Variants in GUCY1A2 observed in about 807,000 individuals in gnomAD.
The protein encoded by GUCY1A2 is guanylate cyclase 1 soluble subunit alpha 2, also known as guanylate cyclase soluble subunit alpha-2.
A neutral mutation model predicts 63.5 loss-of-function variants in GUCY1A2; 27 were observed. The ratio of observed to expected loss-of-function variants is 0.43; its 90% confidence interval spans 0.31 to 0.59. The LOEUF (loss-of-function observed/expected upper bound fraction) is 0.59, where lower values mean the gene tolerates loss of function less well. Among genes scored for constraint, GUCY1A2 ranks in the 20% least tolerant of loss-of-function variants. The probability of loss-of-function intolerance (pLI) is 0.11; values close to 1 mark genes in which losing one functional copy is unlikely to be tolerated. For missense variants in GUCY1A2, 768 were observed against 913.3 expected (o/e 0.84, Z 2.05); for synonymous variants, 364 against 343.5 (o/e 1.06, Z -0.66).
chr11:106,949,326 T>A (rs991916084), intron 3 of GUCY1A2, among the ~76,000 whole-genome samples: 1 of 152,098 alleles, frequency 6.6e-6, no homozygotes, highest in African/African-American at 2.4e-5. Flanking sequence ...CCTCTCTCAG[T>A]CCCCCATTTC....
At chr11:106,852,932 G>A (rs1020124055) in intron 4 of GUCY1A2, among the ~76,000 whole-genome samples, 7 of 152,060 alleles carry the variant, frequency 4.6e-5, no homozygotes, top group Admixed American at 6.6e-5. Flanking sequence ...GTTTTGGCTG[G>A]CAGTATTTTC....
chr11:106,758,776 C>T lies in GUCY1A2; in HGVS notation c.1836+17663G>A, dbSNP rs143708960. Among the ~76,000 whole-genome samples the T allele has an allele frequency of 9.9e-5, 15 of 152,228 alleles. No individual in the cohort carries two copies. The South Asian group carries it at 2.7e-3, about 27-fold the overall frequency. The stretch of plus-strand genomic sequence containing the variant: ...TATTTTTTGATCATAAACAAAGCAG[C>T]AGCATGTAGCATAGTTAGAGAGGGA... On this transcript the variant is annotated intron_variant, in intron 6 of 7. Transcript: ENST00000526355.
At chr11:106,821,478 G>A (rs1419601864) in intron 4 of GUCY1A2, among the ~76,000 whole-genome samples, 1 of 152,128 alleles carries the variant, frequency 6.6e-6, no homozygotes, top group Admixed American at 6.6e-5. Context: ...GGGTGCTTTT[G>A]TCACCACACT....
At chr11:106,895,555 C>A (rs1293867698) in intron 4 of GUCY1A2, among the ~76,000 whole-genome samples, 2 of 152,198 alleles carry the variant, frequency 1.3e-5, no homozygotes, top group African/African-American at 4.8e-5. Context: ...GGCAGTTCCT[C>A]CGCACATGCT....
intron 4 of GUCY1A2, among the ~76,000 whole-genome samples, chr11:106,883,380 T>C (rs1859853089): frequency 6.6e-6 from 1 of 152,096 alleles, no homozygotes; most frequent in African/African-American, 2.4e-5. Flanking sequence ...TATGATAATG[T>C]ATTCATTCAT....
intron 1 of GUCY1A2, among the ~76,000 whole-genome samples, chr11:106,987,845 C>A (rs1861421799): frequency 6.6e-6 from 1 of 152,114 alleles, no homozygotes; most frequent in African/African-American, 2.4e-5. Context: ...GAATCAAGGG[C>A]ATCTACTGAG....
chr11:106,888,231 G>A (rs1224797837), intron 4 of GUCY1A2, among the ~76,000 whole-genome samples: 1 of 152,020 alleles, frequency 6.6e-6, no homozygotes, highest in Non-Finnish European at 1.5e-5. Context: ...GGCCAAGGCG[G>A]GTGGATCATG....
chr11:106,874,077 T>C (rs908504179), intron 4 of GUCY1A2, among the ~76,000 whole-genome samples: 3 of 152,210 alleles, frequency 2.0e-5, no homozygotes, highest in African/African-American at 7.2e-5. Flanking sequence ...TCCATTCTTC[T>C]ATCTCATTAC....
chr11:106,807,405 T>C (rs1196385214), intron 5 of GUCY1A2, among the ~76,000 whole-genome samples: 1 of 152,210 alleles, frequency 6.6e-6, no homozygotes, highest in East Asian at 1.9e-4. Context: ...GCATTTCTCC[T>C]AATGTACTTT....
intron 4 of GUCY1A2, among the ~76,000 whole-genome samples, chr11:106,902,990 T>C (rs1226007907): frequency 6.6e-6 from 1 of 152,158 alleles, no homozygotes; most frequent in Non-Finnish European, 1.5e-5. Context: ...CTCTTGATTA[T>C]GAATCTATGT....
intron 6 of GUCY1A2, among the ~76,000 whole-genome samples, chr11:106,716,547 GACGCCA>G (rs1863217490): frequency 6.6e-6 from 1 of 151,986 alleles, no homozygotes; most frequent in African/African-American, 2.4e-5. Flanking sequence ...TGGTGGGACT[GACGCCA>G]CCCCCAGGTC....
chr11:106,960,919 G>A (rs1355864507), intron 3 of GUCY1A2, among the ~76,000 whole-genome samples: 1 of 152,036 alleles, frequency 6.6e-6, no homozygotes, highest in Admixed American at 6.6e-5. Flanking sequence ...ATGGAAAGGA[G>A]TGCCAGAGAT....
At chr11:106,953,940 A>T (rs1257734224) in intron 3 of GUCY1A2, among the ~76,000 whole-genome samples, 2 of 151,810 alleles carry the variant, frequency 1.3e-5, no homozygotes, top group Non-Finnish European at 2.9e-5. Context: ...TGGTCTATCT[A>T]TTTTGTTAAT....
chr11:106,767,317 G>A (rs1565283336), intron 6 of GUCY1A2, among the ~76,000 whole-genome samples: 1 of 152,068 alleles, frequency 6.6e-6, no homozygotes, highest in East Asian at 1.9e-4. Context: ...TGCTTTGCAT[G>A]CACAGTTTCA....
chr11:107,011,752 G>A (rs1335418423), intron 1 of GUCY1A2, among the ~76,000 whole-genome samples: 1 of 148,956 alleles, frequency 6.7e-6, no homozygotes, highest in Non-Finnish European at 1.5e-5. Flanking sequence ...TCAGAAGGCT[G>A]AGGCAGGAGC....
chr11:106,962,290 G>T lies in GUCY1A2; in HGVS notation c.487+16329C>A, dbSNP rs374275407. On this transcript the variant is annotated intron_variant, in intron 3 of 7. Transcript: ENST00000526355. ...TATGGGGCTGGGTGTGGTGGCTCACGCCTGTAATCCCAGCACTTTGGGAGG... is the reference window on the plus strand; with the variant it reads ...TATGGGGCTGGGTGTGGTGGCTCACTCCTGTAATCCCAGCACTTTGGGAGG... 4.3e-3 allele frequency among the ~76,000 whole-genome samples: 648 copies of T among 152,146 alleles called. 2 individuals are homozygous for T. The highest frequency in any genetic ancestry group is 7.5e-3 in the South Asian group (36 of 4,822).
chr11:106,815,251 A>C (rs1396521693), intron 4 of GUCY1A2, among the ~76,000 whole-genome samples: 1 of 152,062 alleles, frequency 6.6e-6, no homozygotes, highest in Non-Finnish European at 1.5e-5. Flanking sequence ...CAACAGAGAA[A>C]ATAGGCTGAA....
In GUCY1A2 at chr11:106,674,727, C is replaced by A; in HGVS notation, c.*12822G>T. On this transcript the variant is annotated 3_prime_UTR_variant, in exon 8 of 8. Coordinates refer to ENST00000526355, the MANE Select transcript of GUCY1A2 (RefSeq NM_000855.3). ...CAAAGTAAATCTAATAACAAAGGAG[C>A]AGATATACAATATGATTTACATTGC... 1 of 201,464 alleles carries A rather than the reference C, an allele frequency of 5.0e-6. No homozygotes were observed. Among genetic ancestry groups the A allele is most frequent in the Non-Finnish European group, 1.0e-5 (1 of 97,972 alleles). The allele number at this position is 201,464 out of a possible 1,614,324, so 12.5% of individuals were successfully genotyped here.
chr11:106,683,471 A>G lies in GUCY1A2; in HGVS notation c.*4078T>C, dbSNP rs1057293765. 7.0e-5 allele frequency: 16 copies of G among 227,376 alleles called. No homozygotes were observed. The highest frequency in any genetic ancestry group is 3.1e-4 in the African/African-American group (14 of 45,040). The allele number at this position is 227,376 out of a possible 1,614,324, so 14.1% of individuals were successfully genotyped here. On this transcript the variant is annotated 3_prime_UTR_variant, in exon 8 of 8. Coordinates refer to ENST00000526355, the MANE Select transcript of GUCY1A2 (RefSeq NM_000855.3). ...GAGGGTGAAGCTGCAGATATAATCA[A>G]TGCCCCGGCACATCCAGTTCATTAC...
Sources: gnomAD v4.1 joint callset for allele counts (sites outside exome capture counted in the v4.1 genomes callset) on GRCh38, gnomAD v4.1.1 for gene constraint, MANE v1.5 for transcripts, NCBI Gene and HGNC (gene_info 2026-07-23, HGNC 2026-07-21) for gene names.